GRHL3: variants seen among roughly 807,000 people sequenced by gnomAD.
GRHL3 encodes grainyhead like transcription factor 3, also known as grainyhead-like protein 3 homolog.
GRHL3 carries 20 observed loss-of-function variants against 70.3 expected under a neutral mutation model. That is an observed-to-expected ratio of 0.28 (90% CI 0.20 to 0.41). The LOEUF (loss-of-function observed/expected upper bound fraction) is 0.41. Among genes scored for constraint, GRHL3 ranks in the 10% least tolerant of loss-of-function variants. GRHL3 has a pLI of 1.00. For synonymous variants in GRHL3, 299 were observed against 299.9 expected (o/e 1.00, Z 0.03); for missense variants, 637 against 762.3 (o/e 0.84, Z 1.94).
chr1:24,350,162 T>A, intron 15 of GRHL3, 40 bp downstream of exon 15: 1 of 1,528,336 alleles, frequency 6.5e-7, no homozygotes, highest in South Asian at 1.1e-5. Flanking sequence ...GGTTGCTCAG[T>A]GCTGAGCAAT....
downstream of GRHL3, chr1:24,358,014 T>A (rs910368254): frequency 2.8e-6 from 1 of 355,410 alleles, no homozygotes; most frequent in Non-Finnish European, 5.6e-6. Context: ...GGAAAAAGCA[T>A]CACCTGCCTG....
At chr1:24,352,106 C>T (rs932686029) in intron 15 of GRHL3, among the ~76,000 whole-genome samples, 2 of 151,998 alleles carry the variant, frequency 1.3e-5, no homozygotes, top group African/African-American at 4.8e-5. Context: ...TTCACAGGCA[C>T]CCCACACACC....
At chr1:24,362,070 G>A (rs1228871328) in intron 15 of GRHL3, among the ~76,000 whole-genome samples, 6 of 152,280 alleles carry the variant, frequency 3.9e-5, no homozygotes, top group Admixed American at 6.5e-5. Context: ...GAGGTTCTCC[G>A]CACTGAATGG....
chr1:24,351,746 C>T (rs1640518708), intron 15 of GRHL3, among the ~76,000 whole-genome samples: 1 of 152,178 alleles, frequency 6.6e-6, no homozygotes, highest in Admixed American at 6.5e-5. Flanking sequence ...CCCTTAAGCC[C>T]CAGCCAGCTA....
chr1:24,354,223 G>T lies in GRHL3; in HGVS notation c.1695-151G>T, dbSNP rs148495453. On this transcript the variant is annotated intron_variant, in intron 15 of 15. Transcript: ENST00000361548. ...AGACTGTGACTCCCTCACCTCGTGG[G>T]GTTGTTGTGAGGATCAGAGGGAAGG... is the stretch of plus-strand genomic sequence containing the variant. 85 of 582,080 alleles carry T rather than the reference G, an allele frequency of 1.5e-4. 1 individual carries two copies. The highest frequency in any genetic ancestry group is 1.3e-3 in the African/African-American group (72 of 53,832). 36.1% of individuals were successfully genotyped at this position (582,080 alleles called of 1,614,324 possible). A position where few individuals can be genotyped will look rare whatever the true frequency, so the allele number is the denominator to read the frequency against.
In GRHL3 at chr1:24,346,651, C is replaced by T. The variant is rs552056175; in HGVS notation, c.1543+10C>T. 55 of 1,603,176 alleles carry T rather than the reference C, an allele frequency of 3.4e-5. No homozygotes were observed. The highest frequency in any genetic ancestry group is 5.5e-5 in the South Asian group (5 of 90,462). ...GGCGACCTTCAGAGAGGTGACCTCC[C>T]GCCCTCCTCATTTACTCACCAGGCC... On this transcript the variant is annotated intron_variant, in intron 13 of 15. Transcript: ENST00000361548.
intron 6 of GRHL3, 94 bp from the exon 7 acceptor site, chr1:24,337,898 C>A: frequency 6.4e-7 from 1 of 1,560,492 alleles, no homozygotes; most frequent in Non-Finnish European, 8.7e-7. Flanking sequence ...TAGCCCATTG[C>A]CACAGGGTTG....
intron 3 of GRHL3, among the ~76,000 whole-genome samples, chr1:24,336,178 T>C (rs1446021507): frequency 6.6e-6 from 1 of 152,082 alleles, no homozygotes; most frequent in African/African-American, 2.4e-5. Context: ...ACAGAGACAT[T>C]TGACTTTGGC....
chr1:24,354,566 C>A lies in GRHL3; in HGVS notation c.*78C>A. 1.1e-6 allele frequency: 1 copy of A among 878,030 alleles called. No individual in the cohort carries two copies. Among genetic ancestry groups the A allele is most frequent in the Non-Finnish European group, 1.9e-6 (1 of 524,664 alleles). The allele number at this position is 878,030 out of a possible 1,614,324, so 54.4% of individuals were successfully genotyped here. A position where few individuals can be genotyped will look rare whatever the true frequency, so the allele number is the denominator to read the frequency against. On this transcript the variant is annotated 3_prime_UTR_variant, in exon 16 of 16. Transcript: ENST00000361548. ...GGCCCCACGCCACACACAACCTCTC[C>A]ACATGCCTCAGCGCTGTTACTTGAA... is the stretch of plus-strand genomic sequence containing the variant.
chr1:24,353,064 G>A (rs1222805939), intron 15 of GRHL3, among the ~76,000 whole-genome samples: 2 of 152,204 alleles, frequency 1.3e-5, no homozygotes, highest in African/African-American at 4.8e-5. Context: ...TTCTTAACTT[G>A]TATTTATAGG....
At chr1:24,346,109 C>G (rs966445469) in intron 12 of GRHL3, among the ~76,000 whole-genome samples, 1 of 151,856 alleles carries the variant, frequency 6.6e-6, no homozygotes, top group African/African-American at 2.4e-5. Flanking sequence ...TCCAAAGCCC[C>G]CAGTCCTTCC....
At chr1:24,336,289 T>G (rs1557696294) in intron 3 of GRHL3, among the ~76,000 whole-genome samples, 193 bp from the exon 4 acceptor site, 2 of 152,152 alleles carry the variant, frequency 1.3e-5, no homozygotes, top group East Asian at 3.9e-4. Context: ...CTGTGCTTGG[T>G]TCCATTCTCA....
rs188786965 is a variant in GRHL3, at chr1:24,321,550, G to A, written c.17+1982G>A. On this transcript the variant is annotated intron_variant, in intron 1 of 15. Transcript: ENST00000361548. This position sits in a 1 kb window ranked among gnomAD's most constrained non-coding sequence, Gnocchi z 4.0. ...AACTCTGGCCAGGCCTTGATATAGT[G>A]GCAAAAGTGGGACTTGCCTGTCACT... 7 of 152,258 alleles carry A rather than the reference G, an allele frequency of 4.6e-5. No homozygotes were observed. Among genetic ancestry groups the A allele is most frequent in the Non-Finnish European group, 4.4e-5 (3 of 68,068 alleles). The allele number at this position is 152,258 out of a possible 1,614,324, so 9.4% of individuals were successfully genotyped here. A position where few individuals can be genotyped will look rare whatever the true frequency, so the allele number is the denominator to read the frequency against.
chr1:24,336,629 C>T lies in GRHL3; in HGVS notation c.414C>T (p.Ala138=), dbSNP rs767040060. 6.2e-7 allele frequency: 1 copy of T among 1,614,022 alleles called. No individual in the cohort carries two copies. Among genetic ancestry groups the T allele is most frequent in the African/African-American group, 1.3e-5 (1 of 74,926 alleles). Residue 138 remains alanine, a synonymous_variant, in exon 4 of 16, where the codon GCC becomes GCT. Coordinates refer to ENST00000361548, the MANE Select transcript of GRHL3 (RefSeq NM_198173.3). ...ATAACCTGATGAGCTTGGAGGGGGC[C>T]TTGCCCACCCCTGGCAAGGCAGCTC... ...KKNNLMSLEG[A]LPTPGKAAPL... is the part of the protein sequence containing the mutation.
downstream of GRHL3, chr1:24,358,149 G>A (rs1334698044): frequency 2.1e-6 from 1 of 474,008 alleles, no homozygotes; most frequent in East Asian, 6.1e-5. Flanking sequence ...AGGGAAGGGT[G>A]GGGCTTCCAG....
chr1:24,343,577 G>A (rs1273837929), intron 11 of GRHL3, among the ~76,000 whole-genome samples: 6 of 152,060 alleles, frequency 3.9e-5, no homozygotes, highest in Admixed American at 3.3e-4. Flanking sequence ...TAGCTGCTCC[G>A]CCTCTCAAGC....
chr1:24,349,243 C>G (rs1413937390), intron 14 of GRHL3, among the ~76,000 whole-genome samples: 2 of 152,196 alleles, frequency 1.3e-5, no homozygotes, highest in Non-Finnish European at 1.5e-5. Context: ...ACTCAACAAG[C>G]CTCTGACCCA....
intron 1 of GRHL3, among the ~76,000 whole-genome samples, chr1:24,329,471 C>T (rs775008666): frequency 7.2e-5 from 11 of 152,248 alleles, no homozygotes; most frequent in Non-Finnish European, 1.5e-4. Context: ...CCTGCATCAA[C>T]GGAAAAGCAG....
chr1:24,356,518 C>T (rs545148377), downstream of GRHL3, among the ~76,000 whole-genome samples: 106 of 152,360 alleles, frequency 7.0e-4, no homozygotes, highest in Admixed American at 1.0e-3. Flanking sequence ...GGATTACAGG[C>T]GTGAGCCACC....
Sources: gnomAD v4.1 joint callset for allele counts (sites outside exome capture counted in the v4.1 genomes callset) on GRCh38, gnomAD v4.1.1 for gene constraint, Gnocchi (gnomAD v3.1) non-coding constraint, MANE v1.5 for transcripts, NCBI Gene and HGNC (gene_info 2026-07-23, HGNC 2026-07-21) for gene names.